Variants in COG8 observed in about 807,000 individuals in gnomAD.
The protein encoded by COG8 is component of oligomeric golgi complex 8.
COG8 carries 45 observed loss-of-function variants against 46.5 expected under a neutral mutation model. That is an observed-to-expected ratio of 0.97 (90% CI 0.76 to 1.24). The LOEUF (loss-of-function observed/expected upper bound fraction) is 1.24. COG8 is among the 50% of genes most tolerant of loss of function. The pLI, the probability that COG8 is intolerant of heterozygous loss-of-function variation, is 0.00. For missense variants in COG8, 793 were observed against 820.8 expected, an observed-to-expected ratio of 0.97 and a Z score of 0.41; for synonymous variants, 407 against 347.8, an observed-to-expected ratio of 1.17 and a Z score of -1.90.
chr16:69,335,967 A>G (rs1233815628), intron 2 of COG8, among the ~76,000 whole-genome samples: 2 of 152,032 alleles, frequency 1.3e-5, no homozygotes, highest in Non-Finnish European at 2.9e-5. Context: ...CGCTGCTACA[A>G]TCCATTAACC....
intron 2 of COG8, among the ~76,000 whole-genome samples, chr16:69,335,965 C>A (rs2012184757): frequency 6.6e-6 from 1 of 152,176 alleles, no homozygotes; most frequent in Admixed American, 6.5e-5. Context: ...CCCGCTGCTA[C>A]AATCCATTAA....
chr16:69,331,974 C>G (rs995637115), intron 4 of COG8, among the ~76,000 whole-genome samples: 1 of 152,230 alleles, frequency 6.6e-6, no homozygotes, highest in Admixed American at 6.5e-5. Flanking sequence ...ACGTGTGATG[C>G]ACTGACCCAT....
At position 69,339,385 on chromosome 16, in the gene COG8, C is replaced by A. The variant is rs533157344; in HGVS notation, c.168G>T (p.Ser56=). The A allele has an allele frequency of 1.0e-5, 16 of 1,584,766 alleles. No individual in the cohort carries two copies. The African/African-American group carries it at 1.7e-4, about 17-fold the overall frequency. ...VGRYLRELSG[S]GLERLRREPE... is the part of the protein sequence containing the mutation. ...GCTCGCGCCGCAGCCGCTCCAGCCC[C>A]GAGCCGCTCAACTCCCGGAGGTAGC... The change falls in exon 1 of 6, where the codon TCG becomes TCT. Residue 56 remains serine (S), a synonymous_variant. Coordinates refer to ENST00000306875, the MANE Select transcript of COG8 (RefSeq NM_032382.5).
rs2142662762 is a variant in COG8, at chr16:69,339,346, C to A, written c.207G>T (p.Ala69=). 2 of 1,599,946 alleles carry A rather than the reference C, an allele frequency of 1.3e-6. No homozygotes were observed. Among genetic ancestry groups the A allele is most frequent in the African/African-American group, 1.3e-5 (1 of 74,866 alleles). ...ERLRREPERL[A]EERAQLLQQT... is the part of the protein sequence containing the mutation. ...GCTGCAGCAGCTGCGCCCGCTCCTC[C>A]GCCAGGCGCTCGGGCTCGCGCCGCA... is the stretch of plus-strand genomic sequence containing the variant. Residue 69 remains alanine (A), a synonymous_variant, in exon 1 of 6, where the codon GCG becomes GCT. Transcript: ENST00000306875.
Position 69,329,099 on chromosome 16 carries a change from G to C in COG8, c.*107C>G. 1 of 1,612,124 alleles carries C rather than the reference G, an allele frequency of 6.2e-7. No individual in the cohort carries two copies. The highest frequency in any genetic ancestry group is 8.5e-7 in the Non-Finnish European group (1 of 1,179,628). On this transcript the variant is annotated 3_prime_UTR_variant, in exon 6 of 6. Coordinates refer to ENST00000306875, the MANE Select transcript of COG8 (RefSeq NM_032382.5). ...TTGTCAATAAACAGGCAGCCCTGCA[G>C]GTGGTCCATCTCGTGCTGGATGATG...
rs149692669 is a variant in COG8 at position 69,329,134 on chromosome 16, C to T, written c.*72G>A. 2 of 1,608,774 alleles carry T rather than the reference C, an allele frequency of 1.2e-6. No individual in the cohort carries two copies. Among genetic ancestry groups the T allele is most frequent in the African/African-American group, 2.7e-5 (2 of 74,800 alleles). On this transcript the variant is annotated 3_prime_UTR_variant, in exon 6 of 6. Coordinates refer to ENST00000306875, the MANE Select transcript of COG8 (RefSeq NM_032382.5). ...CTCGTGCTGGATGATGCGGGCTGCC[C>T]ACCCGCTCGCCTGCCACACCACCTG...
chr16:69,328,938 T>C lies in COG8; in HGVS notation c.*268A>G. 6.5e-7 allele frequency: 1 copy of C among 1,533,892 alleles called. No homozygotes were observed. Among genetic ancestry groups the C allele is most frequent in the East Asian group, 2.4e-5 (1 of 40,848 alleles). On this transcript the variant is annotated 3_prime_UTR_variant, in exon 6 of 6. Coordinates refer to ENST00000306875, the MANE Select transcript of COG8 (RefSeq NM_032382.5). ...TCCTGTCATATGCGAGCCATCCAAG[T>C]TGATGCCAAGTAAGATTTGCCCAGC...
In COG8 at chr16:69,334,875, C is replaced by T. The variant is rs1182100719; in HGVS notation, c.1059G>A (p.Gly353=). 5 of 1,614,068 alleles carry T rather than the reference C, an allele frequency of 3.1e-6. No individual in the cohort carries two copies. The South Asian group carries it at 3.3e-5, about 11-fold the overall frequency. ...CAGCTCCCACCCGGCTGAAGGACAG[C>T]CCAAAGTACATGCACTGGCCCAGCA... is the stretch of plus-strand genomic sequence containing the variant. The part of the protein sequence containing the change: ...DSLLGQCMYF[G]LSFSRVGADF... Residue 353 remains glycine (G), a synonymous_variant, in exon 3 of 6, where the codon GGG becomes GGA. Coordinates refer to ENST00000306875, the MANE Select transcript of COG8 (RefSeq NM_032382.5).
chr16:69,330,276 G>A (rs765230980), intron 5 of COG8: 4 of 1,435,730 alleles, frequency 2.8e-6, no homozygotes, highest in East Asian at 6.0e-5. Flanking sequence ...ACCTGGACCA[G>A]CCGTTGCGTC....
chr16:69,337,618 G>A (rs1414499098), intron 1 of COG8, among the ~76,000 whole-genome samples: 1 of 152,130 alleles, frequency 6.6e-6, no homozygotes, highest in Admixed American at 6.5e-5. Flanking sequence ...GAGCATGGAA[G>A]GGTACAAAAG....
At position 69,334,797 on chromosome 16, in the gene COG8, G is replaced by T. The variant is rs530066629; in HGVS notation, c.1137C>A (p.Phe379Leu). Residue 379 changes from phenylalanine (F) to leucine (L), a missense_variant, in exon 3 of 6, where the codon TTC (phenylalanine) becomes TTA (leucine). Transcript: ENST00000306875. ...CCACTGTTTCCTGAATTGCTTTCTG[G>T]AAAGTGCTGATGGCCACCCGCTGGA... ...PVFQRVAIST[F>L]QKAIQETVEK... The T allele has an allele frequency of 6.2e-7, 1 of 1,614,168 alleles. No individual in the cohort carries two copies. The highest frequency in any genetic ancestry group is 8.5e-7 in the Non-Finnish European group (1 of 1,180,038).
intron 5 of COG8, among the ~76,000 whole-genome samples, chr16:69,329,625 C>T (rs753949301): frequency 2.6e-5 from 4 of 152,252 alleles, no homozygotes; most frequent in Non-Finnish European, 4.4e-5. Flanking sequence ...TGTGGTACCA[C>T]GGGGGAATGG....
Position 69,328,893 on chromosome 16 carries a change from C to T in COG8, c.*313G>A. On this transcript the variant is annotated 3_prime_UTR_variant, in exon 6 of 6. Coordinates refer to ENST00000306875, the MANE Select transcript of COG8 (RefSeq NM_032382.5). ...GACATCTTCCTCCAGCTCAGTCTGC[C>T]ATGCCTTGGCAATCCAGTTTCCTGT... 2 of 1,218,604 alleles carry T rather than the reference C, an allele frequency of 1.6e-6. No individual in the cohort carries two copies. Among genetic ancestry groups the T allele is most frequent in the Non-Finnish European group, 2.3e-6 (2 of 882,474 alleles). The allele number at this position is 1,218,604 out of a possible 1,614,324, so 75.5% of individuals were successfully genotyped here. A position where few individuals can be genotyped will look rare whatever the true frequency, so the allele number is the denominator to read the frequency against.
Position 69,332,384 on chromosome 16 carries a change from A to G in COG8, c.1582+330T>C, listed in dbSNP as rs142429347. 2.6e-5 allele frequency among the ~76,000 whole-genome samples: 4 copies of G among 152,274 alleles called. No homozygotes were observed. In the East Asian group the frequency reaches 7.7e-4, roughly 29 times the overall value. On this transcript the variant is annotated intron_variant, in intron 4 of 5. Transcript: ENST00000306875. ...AAGACTGTAAAAACCATTTCTCTAG[A>G]TATTTCACATAAATGGAATCATACG...
Position 69,330,797 on chromosome 16 carries a change from C to T in COG8, c.*26+16G>A. The T allele has an allele frequency of 1.3e-6, 2 of 1,515,304 alleles. No homozygotes were observed. Among genetic ancestry groups the T allele is most frequent in the Non-Finnish European group, 1.8e-6 (2 of 1,137,628 alleles). 93.9% of individuals were successfully genotyped at this position (1,515,304 alleles called of 1,614,324 possible). ...CGAGGCAGTCCTGGCCACCCCGCGCCGGGAACCTCACGCACCGCGTTCTGG... is the reference window on the plus strand; with the variant it reads ...CGAGGCAGTCCTGGCCACCCCGCGCTGGGAACCTCACGCACCGCGTTCTGG... On this transcript the variant is annotated intron_variant, in intron 5 of 5. Transcript: ENST00000306875.
chr16:69,328,720 G>C lies in COG8; in HGVS notation c.*486C>G. 2.8e-6 allele frequency: 1 copy of C among 351,194 alleles called. No homozygotes were observed. Among genetic ancestry groups the C allele is most frequent in the African/African-American group, 2.2e-5 (1 of 45,604 alleles). The allele number at this position is 351,194 out of a possible 1,614,324, so 21.8% of individuals were successfully genotyped here. ...GCTTTGGGAGATTATACAGGTCCGA[G>C]GAACTCGTGTCTACTGCAGACGAAT... is the stretch of plus-strand genomic sequence containing the variant. On this transcript the variant is annotated 3_prime_UTR_variant, in exon 6 of 6. Transcript: ENST00000306875.
intron 5 of COG8, 112 bp downstream of exon 5, chr16:69,330,701 G>A (rs528288920): frequency 7.9e-6 from 11 of 1,396,812 alleles, no homozygotes; most frequent in African/African-American, 3.0e-5. Flanking sequence ...CTGGCAGTGA[G>A]CACCGCCCCC....
rs762253690 is a variant in COG8, at chr16:69,331,107, G to A, written c.1583-12C>T. The A allele has an allele frequency of 5.6e-6, 9 of 1,613,656 alleles. No homozygotes were observed. The East Asian group carries it at 1.6e-4, about 28-fold the overall frequency. ...AGTGGGAGGAATGCCTAACCCAGAC[G>A]TGGGGAAAGCAAAATGGAAAACAGT... On this transcript the variant is annotated splice_polypyrimidine_tract_variant and intron_variant, in intron 4 of 5. Coordinates refer to ENST00000306875, the MANE Select transcript of COG8 (RefSeq NM_032382.5).
intron 5 of COG8, chr16:69,329,904 G>A: frequency 7.2e-7 from 1 of 1,381,274 alleles, no homozygotes; most frequent in Non-Finnish European, 9.4e-7. Flanking sequence ...GGGAGGTCCG[G>A]CGTATGAACC....
Sources: allele counts gnomAD v4.1 joint callset (sites outside exome capture counted in the v4.1 genomes callset), GRCh38; gene constraint gnomAD v4.1.1; transcripts MANE v1.5; gene names NCBI Gene and HGNC (gene_info 2026-07-23, HGNC 2026-07-21).